EPB41L1: variants seen among roughly 807,000 people sequenced by gnomAD.
EPB41L1 encodes the protein band 4.1-like protein 1.
A neutral mutation model predicts 97.8 loss-of-function variants in EPB41L1; 29 were observed. That is an observed-to-expected ratio of 0.30 (90% confidence interval 0.22 to 0.40). The LOEUF is 0.40. EPB41L1 is among the 10% of genes least tolerant of loss of function. The probability of loss-of-function intolerance (pLI) is 1.00; values close to 1 mark genes in which losing one functional copy is unlikely to be tolerated. For synonymous variants in EPB41L1, 383 were observed against 459.2 expected (o/e 0.83, Z 2.12); for missense variants, 812 against 1,162.3 (o/e 0.70, Z 4.38).
At chr20:36,226,828 A>G (rs2064185831) in intron 21 of EPB41L1, among the ~76,000 whole-genome samples, 1 of 152,234 alleles carries the variant, frequency 6.6e-6, no homozygotes, top group Non-Finnish European at 1.5e-5. Context: ...GCTTACGAAG[A>G]CATCCCACAT....
At chr20:36,132,396 C>T (rs989854298) in intron 2 of EPB41L1, among the ~76,000 whole-genome samples, 3 of 152,062 alleles carry the variant, frequency 2.0e-5, no homozygotes, top group African/African-American at 7.2e-5. Context: ...TCCCCCAAAT[C>T]CCCTTTTGAC....
Position 36,093,233 on chromosome 20 carries a change from G to C in EPB41L1, c.-65+1621G>C, listed in dbSNP as rs990861314. Reference sequence around the variant, plus strand: ...TGTCGGTGAATGTATCTGTGAGAGGGTGTGTCCGAATGTGTAGCAGTGTGT... The same window carrying C: ...TGTCGGTGAATGTATCTGTGAGAGGCTGTGTCCGAATGTGTAGCAGTGTGT... On this transcript the variant is annotated intron_variant, in intron 1 of 19. Transcript: ENST00000202028. This position sits in a 1 kb window ranked among gnomAD's most constrained non-coding sequence, Gnocchi z 5.4. Among the ~76,000 whole-genome samples the C allele has an allele frequency of 6.6e-6, 1 of 152,112 alleles. No homozygotes were observed. Among genetic ancestry groups the C allele is most frequent in the African/African-American group, 2.4e-5 (1 of 41,430 alleles).
chr20:36,154,486 C>G (rs2060191901), upstream of EPB41L1, among the ~76,000 whole-genome samples: 2 of 151,380 alleles, frequency 1.3e-5, no homozygotes, highest in Admixed American at 1.3e-4. The surrounding 1 kb of genome is among the most constrained non-coding windows in gnomAD (Gnocchi z 5.5). Context: ...AGGAGGTGGC[C>G]TGGGAGCCTG....
rs1601171924 is a variant in EPB41L1 at position 36,093,491 on chromosome 20, G to T, written c.-65+1879G>T. 6.6e-6 allele frequency among the ~76,000 whole-genome samples: 1 copy of T among 152,008 alleles called. No individual in the cohort carries two copies. Among genetic ancestry groups the T allele is most frequent in the Non-Finnish European group, 1.5e-5 (1 of 67,946 alleles). ...GGCGGTCCAGGCGCCGCCGCCGCTG[G>T]GAGCTGGGCACCTGGCCTGGGCGGT... On this transcript the variant is annotated intron_variant, in intron 1 of 19. Coordinates refer to the EPB41L1 transcript ENST00000202028. This position sits in a 1 kb window ranked among gnomAD's most constrained non-coding sequence, Gnocchi z 5.4.
chr20:36,181,577 G>T (rs2061473671), intron 5 of EPB41L1, among the ~76,000 whole-genome samples: 1 of 152,166 alleles, frequency 6.6e-6, no homozygotes, highest in South Asian at 2.1e-4. Context: ...TGTCTTCTGA[G>T]ATGGAGTCAA....
At chr20:36,096,023 C>T (rs1601185077) in intron 1 of EPB41L1, among the ~76,000 whole-genome samples, 1 of 149,960 alleles carries the variant, frequency 6.7e-6, no homozygotes, top group Admixed American at 6.6e-5. Flanking sequence ...GAGACTCCAT[C>T]TCAGGGAAAA....
chr20:36,143,137 TTGTGTGTGTGTGTGTGTG>T (rs59256378), intron 2 of EPB41L1, among the ~76,000 whole-genome samples: 43 of 130,818 alleles, frequency 3.3e-4, no homozygotes, highest in South Asian at 1.8e-3. Context: ...GAGGGTGTGT[TTGTGTGTGTGTGTGTGTG>T]TGTGTGTGTG....
exon 1 of EPB41L1, chr20:36,091,540 T>G (rs1432979400): frequency 6.6e-6 from 1 of 152,246 alleles, no homozygotes; most frequent in Non-Finnish European, 1.5e-5. Flanking sequence ...CTGTGCTGCC[T>G]GGAGGGGAGA....
At chr20:36,135,015 G>A (rs940253413) in intron 2 of EPB41L1, among the ~76,000 whole-genome samples, 1 of 151,610 alleles carries the variant, frequency 6.6e-6, no homozygotes, top group African/African-American at 2.4e-5. Context: ...AGGTGCATGC[G>A]ACCACATCTG....
At chr20:36,167,482 G>A (rs375095881) in intron 1 of EPB41L1, among the ~76,000 whole-genome samples, 18 of 152,146 alleles carry the variant, frequency 1.2e-4, no homozygotes, top group African/African-American at 2.2e-4. Flanking sequence ...TGAGGCGGGC[G>A]GATTGCCTGA....
chr20:36,147,429 G>A (rs1190905972), intron 2 of EPB41L1, among the ~76,000 whole-genome samples: 1 of 152,240 alleles, frequency 6.6e-6, no homozygotes, highest in African/African-American at 2.4e-5. Context: ...CCCAATGTGT[G>A]TAGGATTAAT....
chr20:36,108,491 A>G (rs554620738), intron 1 of EPB41L1, among the ~76,000 whole-genome samples: 42 of 240 alleles, frequency 0.17, no homozygotes, highest in East Asian at 0.5. Context: ...CCTGGGCAAC[A>G]TGGGGAAACC....
At chr20:36,227,712 G>C (rs1408257424) in intron 21 of EPB41L1, among the ~76,000 whole-genome samples, 2 of 152,192 alleles carry the variant, frequency 1.3e-5, no homozygotes, top group African/African-American at 2.4e-5. Flanking sequence ...AAATCCTCCA[G>C]AAACATCTGT....
chr20:36,215,932 G>C (rs1300663887), intron 17 of EPB41L1, among the ~76,000 whole-genome samples: 2 of 152,156 alleles, frequency 1.3e-5, no homozygotes, highest in Non-Finnish European at 2.9e-5. Flanking sequence ...ATGACCTTGG[G>C]CAAGTCACCC....
At chr20:36,115,741 A>C (rs890647158) in intron 2 of EPB41L1, among the ~76,000 whole-genome samples, 2 of 152,102 alleles carry the variant, frequency 1.3e-5, no homozygotes, top group South Asian at 4.2e-4. Flanking sequence ...AAAATACAAA[A>C]ATTAGCCAGG....
At chr20:36,116,078 C>A (rs994779771) in intron 2 of EPB41L1, among the ~76,000 whole-genome samples, 1 of 152,138 alleles carries the variant, frequency 6.6e-6, no homozygotes, top group Admixed American at 6.5e-5. Context: ...AGCTATGTCC[C>A]CTAGAGGGGA....
chr20:36,194,247 C>T lies in EPB41L1; in HGVS notation c.1336C>T (p.His446Tyr), dbSNP rs2062085799. 4.3e-6 allele frequency: 7 copies of T among 1,614,046 alleles called. No homozygotes were observed. The South Asian group carries it at 7.7e-5, about 18-fold the overall frequency. Residue 446 changes from histidine (H) to tyrosine (Y), a missense_variant, in exon 12 of 22, where the codon CAT becomes TAT. His to Tyr is a moderately conservative substitution (Grantham distance 83). Transcript: ENST00000338074. ...CCGCCCAGCCTCGGTCAGCGAGAAC[C>T]ATGATGCAGGGCCTGACGGTGACAA... The part of the protein sequence containing the change: ...FSRPASVSEN[H>Y]DAGPDGDKRD...
chr20:36,191,677 C>A (rs1382380680), intron 11 of EPB41L1, among the ~76,000 whole-genome samples: 2 of 152,188 alleles, frequency 1.3e-5, no homozygotes, highest in Non-Finnish European at 2.9e-5. Flanking sequence ...CTCGGCTTGA[C>A]AGTCACCGTG....
intron 2 of EPB41L1, among the ~76,000 whole-genome samples, chr20:36,124,257 A>G (rs889006361): frequency 1.3e-5 from 2 of 152,156 alleles, no homozygotes; most frequent in Non-Finnish European, 2.9e-5. Context: ...TCCGTCTCAA[A>G]AAAACAAAAC....
Sources: gnomAD v4.1 joint callset for allele counts (sites outside exome capture counted in the v4.1 genomes callset) on GRCh38, gnomAD v4.1.1 for gene constraint, Gnocchi (gnomAD v3.1) non-coding constraint, MANE v1.5 for transcripts, NCBI Gene and HGNC (gene_info 2026-07-23, HGNC 2026-07-21) for gene names.